DNAH9: variants seen among roughly 807,000 people sequenced by gnomAD.
DNAH9 encodes the protein DNAH9 variant protein.
DNAH9 carries 345 observed loss-of-function variants against 471.6 expected under a neutral mutation model. The observed-to-expected ratio is 0.73, with a 90% CI of 0.67 to 0.80. The LOEUF (loss-of-function observed/expected upper bound fraction) is 0.80. Ranked by LOEUF, DNAH9 falls within the 30% of genes least tolerant of loss-of-function variation. The probability of loss-of-function intolerance (pLI) is 0.00; values close to 1 mark genes in which losing one functional copy is unlikely to be tolerated. For synonymous variants in DNAH9, 2,093 were observed against 2,123.6 expected (o/e 0.99, Z 0.40); for missense variants, 5,407 against 5,609.2 (o/e 0.96, Z 1.15).
chr17:11,897,744 G>A (rs150813140), intron 59 of DNAH9, among the ~76,000 whole-genome samples: 121 of 152,266 alleles, frequency 7.9e-4, no homozygotes, highest in Non-Finnish European at 1.5e-3. Context: ...AATGGTCGTC[G>A]TAATACCTTT....
chr17:11,617,252 C>A, intron 4 of DNAH9, 159 bp from the exon 5 acceptor site: 1 of 601,580 alleles, frequency 1.7e-6, no homozygotes, highest in Non-Finnish European at 3.0e-6. Context: ...TCAGGGCTCT[C>A]CAGTTTCCAT....
In DNAH9 at chr17:11,644,533, G is replaced by T. The variant is rs1453184972; in HGVS notation, c.1902-98G>T. 9.5e-6 allele frequency: 8 copies of T among 843,538 alleles called. No individual in the cohort carries two copies. In the East Asian group the frequency reaches 2.2e-4, roughly 23 times the overall value. The allele number at this position is 843,538 out of a possible 1,614,324, so 52.3% of individuals were successfully genotyped here. The stretch of plus-strand genomic sequence containing the variant: ...GGGCTGTTTGGAAACGAGCCAAGGA[G>T]CTATTCACGCTCTTCTTTGGAGACT... On this transcript the variant is annotated intron_variant, in intron 10 of 68. Coordinates refer to ENST00000262442, the MANE Select transcript of DNAH9 (RefSeq NM_001372.4).
rs758224581 is a variant in DNAH9, at chr17:11,669,768, G to A, written c.3327G>A (p.Gln1109=). The A allele has an allele frequency of 3.0e-5, 48 of 1,613,934 alleles. No homozygotes were observed. The highest frequency in any genetic ancestry group is 4.0e-5 in the African/African-American group (3 of 74,942). Residue 1109 remains glutamine, a synonymous_variant, in exon 17 of 69, where the codon CAG becomes CAA. Transcript: ENST00000262442. ...AGAGGTGGAGCCTCCTGTTCAAACA[G>A]CATCTTGTGGACCACGTCACTCACA... ...IIKRWSLLFK[Q]HLVDHVTHSL...
intron 28 of DNAH9, among the ~76,000 whole-genome samples, chr17:11,733,980 C>A (rs900659233): frequency 6.6e-6 from 1 of 151,832 alleles, no homozygotes; most frequent in Admixed American, 6.6e-5. Flanking sequence ...GACAGTAAAA[C>A]CATCTGGCTG....
At chr17:11,729,452 A>G (rs1316046656) in intron 28 of DNAH9, among the ~76,000 whole-genome samples, 3 of 152,152 alleles carry the variant, frequency 2.0e-5, no homozygotes, top group African/African-American at 7.2e-5. Context: ...CGCACACCAT[A>G]TAATCAAAAA....
chr17:11,715,372 C>T (rs750866864), intron 26 of DNAH9, among the ~76,000 whole-genome samples: 48 of 151,930 alleles, frequency 3.2e-4, no homozygotes, highest in South Asian at 8.3e-4. Context: ...GAAAGCAAGA[C>T]TAATTTTAGT....
rs2151015607 is a variant in DNAH9 at position 11,905,722 on chromosome 17, A to G, written c.11662A>G (p.Thr3888Ala). 2 of 1,614,034 alleles carry G rather than the reference A, an allele frequency of 1.2e-6. No homozygotes were observed. Among genetic ancestry groups the G allele is most frequent in the Non-Finnish European group, 1.7e-6 (2 of 1,179,974 alleles). The change falls in exon 61 of 69, where the codon ACC becomes GCC. Residue 3888 changes from threonine to alanine, a missense_variant. Physicochemically the swap from Thr to Ala is moderately conservative, Grantham distance 58 (BLOSUM62 0). Around this residue, in one of 3 missense-constraint regions of DNAH9, gnomAD observed 4,636 missense variants for 4,900.3 expected, o/e 0.95. Transcript: ENST00000262442. ...YVVGRALDFA[T>A]SFEESGPATP... is the part of the protein sequence containing the mutation. ...GGTGGGAAGAGCCCTAGATTTTGCA[A>G]CCTCATTTGAAGAATCGGGACCAGC...
At chr17:11,910,543 A>G (rs1424651151) in intron 61 of DNAH9, among the ~76,000 whole-genome samples, 6 of 152,186 alleles carry the variant, frequency 3.9e-5, no homozygotes, top group African/African-American at 9.6e-5. Flanking sequence ...TTGTGTGAAC[A>G]TAAGTTTCAA....
At position 11,692,849 on chromosome 17, in the gene DNAH9, T is replaced by G. The variant is rs2074357448; in HGVS notation, c.4615-1019T>G. 2.0e-5 allele frequency among the ~76,000 whole-genome samples: 3 copies of G among 152,174 alleles called. No individual in the cohort carries two copies. In the South Asian group the frequency reaches 6.2e-4, roughly 32 times the overall value. On this transcript the variant is annotated intron_variant, in intron 20 of 68. Transcript: ENST00000262442. ...CCCATTTTCAACTGTTATTTTTGGT[T>G]TTGGAAAATATACTTAAGTATTTTA...
intron 13 of DNAH9, 31 bp from the exon 14 acceptor site, chr17:11,652,730 T>C (rs2073540819): frequency 6.2e-7 from 1 of 1,606,876 alleles, no homozygotes; most frequent in African/African-American, 1.3e-5. Context: ...TGCAGGCTAT[T>C]TCAATTAATT....
chr17:11,874,812 A>G, intron 52 of DNAH9, 137 bp from the exon 53 acceptor site: 1 of 661,814 alleles, frequency 1.5e-6, no homozygotes, highest in Non-Finnish European at 2.6e-6. Flanking sequence ...ATAATCACAC[A>G]GCCAGAAAGG....
chr17:11,707,558 A>G (rs72810873), intron 26 of DNAH9, among the ~76,000 whole-genome samples: 22,798 of 151,964 alleles, frequency 0.15, 1,930 homozygotes, highest in South Asian at 0.26. Context: ...TCTTTAATTC[A>G]TTTTCCTCCC....
chr17:11,622,131 A>G (rs1348032370), intron 6 of DNAH9, among the ~76,000 whole-genome samples: 7 of 152,140 alleles, frequency 4.6e-5, no homozygotes, highest in Non-Finnish European at 1.0e-4. Flanking sequence ...GGAGCAAGAA[A>G]GAGGGGTCTC....
chr17:11,617,638 A>C lies in DNAH9; in HGVS notation c.1116+16A>C. ...CATCCAGCAGGTGGGCTGCCCTGGG[A>C]TGCCCAGCAACTGCTCCCTGGGGGC... On this transcript the variant is annotated intron_variant, in intron 5 of 68. Coordinates refer to ENST00000262442, the MANE Select transcript of DNAH9 (RefSeq NM_001372.4). 1 of 1,599,954 alleles carries C rather than the reference A, an allele frequency of 6.3e-7. No homozygotes were observed. Among genetic ancestry groups the C allele is most frequent in the Non-Finnish European group, 8.6e-7 (1 of 1,167,812 alleles).
intron 49 of DNAH9, among the ~76,000 whole-genome samples, chr17:11,844,756 G>A (rs546252664): frequency 2.6e-5 from 4 of 152,052 alleles, no homozygotes; most frequent in Admixed American, 6.6e-5. Flanking sequence ...ACATGTGCAA[G>A]CTTGTGATAT....
Position 11,769,202 on chromosome 17 carries a change from G to A in DNAH9, c.7425G>A (p.Met2475Ile), listed in dbSNP as rs1368022067. ...TGATGGCGCGGCAGCGGCCTGTCAT[G>A]CTGGTGGGCACGGCTGGCACTGGCA... ...ERLMARQRPV[M>I]LVGTAGTGKS... The change falls in exon 38 of 69, where the codon ATG (methionine) becomes ATA (isoleucine). Residue 2475 changes from methionine (M) to isoleucine (I), a missense_variant. Around this residue, in one of 3 missense-constraint regions of DNAH9, gnomAD observed 4,636 missense variants for 4,900.3 expected, o/e 0.95. Transcript: ENST00000262442. 1.9e-6 allele frequency: 3 copies of A among 1,614,234 alleles called. No homozygotes were observed. The highest frequency in any genetic ancestry group is 2.2e-5 in the East Asian group (1 of 44,874).
chr17:11,694,357 C>T lies in DNAH9; in HGVS notation c.4782C>T (p.Leu1594=), dbSNP rs768355325. 9.9e-6 allele frequency: 16 copies of T among 1,613,766 alleles called. No individual in the cohort carries two copies. The highest frequency in any genetic ancestry group is 1.1e-5 in the Non-Finnish European group (13 of 1,179,950). The change falls in exon 22 of 69, where the codon CTC becomes CTT. Residue 1594 remains leucine (L), a synonymous_variant. Transcript: ENST00000262442. The part of the protein sequence containing the change: ...CLCEKALAEY[L]DTKRLAFPRF... ...GTGAGAAGGCCCTGGCAGAGTACCT[C>T]GACACCAAGAGGCTTGCCTTCCCGC...
intron 61 of DNAH9, among the ~76,000 whole-genome samples, chr17:11,915,395 G>A (rs1225532426): frequency 1.3e-5 from 2 of 151,952 alleles, no homozygotes; most frequent in East Asian, 1.9e-4. Context: ...ATGGTGGCAC[G>A]CACCTGTAGT....
chr17:11,730,908 G>A (rs1432730575), intron 28 of DNAH9, among the ~76,000 whole-genome samples: 5 of 150,268 alleles, frequency 3.3e-5, no homozygotes, highest in Non-Finnish European at 7.4e-5. Context: ...TAATGGTGAT[G>A]GTGGTAATGA....
Sources: allele counts gnomAD v4.1 joint callset (sites outside exome capture counted in the v4.1 genomes callset), GRCh38; gene constraint gnomAD v4.1.1; regional missense constraint gnomAD v4.1.1; transcripts MANE v1.5; gene names NCBI Gene and HGNC (gene_info 2026-07-23, HGNC 2026-07-21).